SGCD: variants seen among roughly 807,000 people sequenced by gnomAD.
SGCD encodes the protein sarcoglycan delta, also known as delta-sarcoglycan.
A neutral mutation model predicts 36.6 loss-of-function variants in SGCD; 18 were observed. That is an observed-to-expected ratio of 0.49 (90% CI 0.34 to 0.73). The LOEUF (loss-of-function observed/expected upper bound fraction) is 0.73. Among genes scored for constraint, SGCD ranks in the 30% least tolerant of loss-of-function variants. SGCD has a pLI of 0.01. For missense variants in SGCD, 387 were observed against 346.7 expected, an observed-to-expected ratio of 1.12 and a Z score of -0.92; for synonymous variants, 133 against 130.6, an observed-to-expected ratio of 1.02 and a Z score of -0.12.
the SGCD span, among the ~76,000 whole-genome samples, chr5:155,747,606 A>T: frequency 6.6e-6 from 1 of 152,224 alleles, no homozygotes; most frequent in South Asian, 2.1e-4. Context: ...ACTGCCAGCT[A>T]CAAAGTGGTA....
At chr5:156,027,425 C>T (rs1759247251) in intron 1 of SGCD, among the ~76,000 whole-genome samples, 1 of 152,256 alleles carries the variant, frequency 6.6e-6, no homozygotes, top group Admixed American at 6.5e-5. Flanking sequence ...TGGAATAATG[C>T]CAATACAAAT....
At chr5:156,748,702 A>G (rs1757036181) in intron 7 of SGCD, among the ~76,000 whole-genome samples, 1 of 152,242 alleles carries the variant, frequency 6.6e-6, no homozygotes, top group Admixed American at 6.5e-5. Flanking sequence ...TTGAGTTAAT[A>G]AGACATATAA....
chr5:156,634,913 G>T (rs921140628), intron 6 of SGCD, among the ~76,000 whole-genome samples: 5 of 152,112 alleles, frequency 3.3e-5, no homozygotes, highest in African/African-American at 1.2e-4. Flanking sequence ...GGTTATGTCA[G>T]ATTGTCATAT....
the SGCD span, among the ~76,000 whole-genome samples, chr5:155,752,399 TATGATTTCTTGC>T: frequency 0.28 from 41,880 of 152,024 alleles, 7,340 homozygotes; most frequent in East Asian, 0.42. Flanking sequence ...CTGCTTTTCC[TATGATTTCTTGC>T]ATGTGCCCTG....
At chr5:156,016,747 T>C (rs1299036301) in intron 1 of SGCD, among the ~76,000 whole-genome samples, 1 of 152,196 alleles carries the variant, frequency 6.6e-6, no homozygotes, top group South Asian at 2.1e-4. Flanking sequence ...TTCTTTGTAG[T>C]TGCTGGGTTC....
At chr5:155,882,298 C>G (rs532344613) in intron 1 of SGCD, among the ~76,000 whole-genome samples, 1 of 152,046 alleles carries the variant, frequency 6.6e-6, no homozygotes, top group South Asian at 2.1e-4. Context: ...AGGCTGGTCT[C>G]AAACTTCTGG....
At chr5:156,092,686 A>G (rs1042785750) in intron 1 of SGCD, among the ~76,000 whole-genome samples, 2 of 152,206 alleles carry the variant, frequency 1.3e-5, no homozygotes, top group African/African-American at 4.8e-5. Context: ...TTGTAGCTGT[A>G]GTGCTTGTTC....
chr5:156,106,941 T>C (rs1311649146), intron 1 of SGCD, among the ~76,000 whole-genome samples: 2 of 152,182 alleles, frequency 1.3e-5, no homozygotes, highest in African/African-American at 4.8e-5. Flanking sequence ...TTGTTAACCA[T>C]GTTTTAGAAA....
chr5:155,825,504 T>C, the SGCD span, among the ~76,000 whole-genome samples: 1 of 152,224 alleles, frequency 6.6e-6, no homozygotes, highest in Admixed American at 6.5e-5. Context: ...TGGATTAGAC[T>C]GTGTGCTCCT....
At chr5:155,888,525 C>G (rs1756055522) in intron 1 of SGCD, among the ~76,000 whole-genome samples, 1 of 152,224 alleles carries the variant, frequency 6.6e-6, no homozygotes, top group South Asian at 2.1e-4. Flanking sequence ...AAGCAGATAA[C>G]TCTGTGTATT....
chr5:156,469,385 A>C (rs1400296754), intron 3 of SGCD, among the ~76,000 whole-genome samples: 1 of 152,230 alleles, frequency 6.6e-6, no homozygotes, highest in Non-Finnish European at 1.5e-5. Flanking sequence ...TGATAATCCA[A>C]GCTATTAAGA....
the SGCD span, among the ~76,000 whole-genome samples, chr5:155,753,035 G>T: frequency 1.3e-5 from 2 of 152,022 alleles, no homozygotes; most frequent in Non-Finnish European, 2.9e-5. Context: ...GGTTGCTCTG[G>T]TTACAAGAAG....
intron 3 of SGCD, among the ~76,000 whole-genome samples, chr5:156,474,570 G>A (rs764127517): frequency 3.9e-5 from 6 of 152,226 alleles, no homozygotes; most frequent in Non-Finnish European, 8.8e-5. Flanking sequence ...TAGTGAGATT[G>A]GAGATGCTCC....
intron 3 of SGCD, among the ~76,000 whole-genome samples, chr5:156,458,005 C>A (rs1011152456): frequency 6.6e-6 from 1 of 152,100 alleles, no homozygotes; most frequent in African/African-American, 2.4e-5. Context: ...CAGTCCCAGC[C>A]TACAAACCAC....
chr5:156,471,783 A>G (rs1179631014), intron 3 of SGCD, among the ~76,000 whole-genome samples: 1 of 152,040 alleles, frequency 6.6e-6, no homozygotes, highest in Non-Finnish European at 1.5e-5. Context: ...TAAAAAAATT[A>G]GTTAGACTTT....
chr5:156,198,078 A>C lies in SGCD; in HGVS notation c.-44+74059A>C, dbSNP rs74751442. ...TTTGTAAATATAGTGCGAACTTTAAAATTCAGTTAGATATTTCTAATGTTG... is the reference window on the plus strand; with the variant it reads ...TTTGTAAATATAGTGCGAACTTTAACATTCAGTTAGATATTTCTAATGTTG... On this transcript the variant is annotated intron_variant, in intron 3 of 9. Transcript: ENST00000517913. Among the ~76,000 whole-genome samples the C allele has an allele frequency of 0.01, 1,559 of 152,120 alleles. 76 individuals carry two copies. In the East Asian group the frequency reaches 0.18, roughly 17 times the overall value.
chr5:156,528,647 A>C (rs1757743844), intron 4 of SGCD, among the ~76,000 whole-genome samples: 1 of 152,204 alleles, frequency 6.6e-6, no homozygotes, highest in East Asian at 1.9e-4. Context: ...TGAGGCCATG[A>C]GGGAGTAAGA....
chr5:156,114,980 T>C (rs1250988448), intron 1 of SGCD, among the ~76,000 whole-genome samples: 1 of 152,082 alleles, frequency 6.6e-6, no homozygotes, highest in African/African-American at 2.4e-5. Context: ...AATATTGTAT[T>C]ATAAAATATT....
At chr5:156,167,637 T>A (rs974519966) in intron 3 of SGCD, among the ~76,000 whole-genome samples, 1 of 152,162 alleles carries the variant, frequency 6.6e-6, no homozygotes, top group Non-Finnish European at 1.5e-5. Context: ...AGTCTGGGAT[T>A]TTTTTCTGTC....
Sources: gnomAD v4.1 joint callset for allele counts (sites outside exome capture counted in the v4.1 genomes callset) on GRCh38, gnomAD v4.1.1 for gene constraint, MANE v1.5 for transcripts, NCBI Gene and HGNC (gene_info 2026-07-23, HGNC 2026-07-21) for gene names.